The following PROX1 variants were observed in gnomAD, a reference collection of about 807,000 sequenced individuals.
PROX1 encodes prospero homeobox 1.
PROX1 carries 7 observed loss-of-function variants against 58.8 expected under a neutral mutation model. The observed-to-expected ratio is 0.12, with a 90% CI of 0.07 to 0.22. PROX1 has a LOEUF of 0.22. Ranked by LOEUF, PROX1 falls within the 10% of genes least tolerant of loss-of-function variation. The pLI is 1.00. For missense variants in PROX1, 675 were observed against 927.8 expected (o/e 0.73, Z 3.54); for synonymous variants, 350 against 358.3 (o/e 0.98, Z 0.26).
intron 4 of PROX1, among the ~76,000 whole-genome samples, chr1:214,022,556 A>T (rs1166632740): frequency 6.6e-6 from 1 of 152,218 alleles, no homozygotes. Context: ...AATGTGGCTG[A>T]AAAGGCGACA....
At chr1:214,004,881 C>G (rs1000139489) in intron 2 of PROX1, among the ~76,000 whole-genome samples, 1 of 152,198 alleles carries the variant, frequency 6.6e-6, no homozygotes, top group Non-Finnish European at 1.5e-5. Context: ...GCCTACCGAC[C>G]TAAAGCAAGG....
In PROX1 at chr1:213,988,106, C is replaced by T. The variant is rs1662874521; in HGVS notation, c.-445C>T. On this transcript the variant is annotated 5_prime_UTR_variant, in exon 1 of 5. Coordinates refer to ENST00000366958, the MANE Select transcript of PROX1 (RefSeq NM_001270616.2). Reference sequence around the variant, plus strand: ...CTCTTCTTTACCCTTCTCCTCTCTCCTCCTCTGCTGCTCTCTCCTCTCCTC... The same window carrying T: ...CTCTTCTTTACCCTTCTCCTCTCTCTTCCTCTGCTGCTCTCTCCTCTCCTC... 1 of 95,724 alleles carries T rather than the reference C, an allele frequency of 1.0e-5. No homozygotes were observed. Among genetic ancestry groups the T allele is most frequent in the African/African-American group, 4.4e-5 (1 of 22,832 alleles). The allele number at this position is 95,724 out of a possible 1,614,324, so 5.9% of individuals were successfully genotyped here. A position where few individuals can be genotyped will look rare whatever the true frequency, so the allele number is the denominator to read the frequency against.
rs1322292872 is a variant in PROX1, at chr1:214,040,033, T to C, written c.*4199T>C. On this transcript the variant is annotated 3_prime_UTR_variant, in exon 5 of 5. Transcript: ENST00000366958. ...TGGTGTGAATAGTACAAATGTTTCC[T>C]TCTGGTACAAACTCTGTGTTTGCAA... is the stretch of plus-strand genomic sequence containing the variant. 1 of 152,230 alleles carries C rather than the reference T, an allele frequency of 6.6e-6. No individual in the cohort carries two copies. Among genetic ancestry groups the C allele is most frequent in the Non-Finnish European group, 1.5e-5 (1 of 68,034 alleles). The allele number at this position is 152,230 out of a possible 1,614,324, so 9.4% of individuals were successfully genotyped here. A position where few individuals can be genotyped will look rare whatever the true frequency, so the allele number is the denominator to read the frequency against.
chr1:214,007,965 G>A (rs1489661752), intron 3 of PROX1, among the ~76,000 whole-genome samples: 3 of 152,146 alleles, frequency 2.0e-5, no homozygotes, highest in Non-Finnish European at 2.9e-5. Context: ...AATGACATGA[G>A]GCTCTACTTG....
upstream of PROX1, chr1:213,983,887 G>C (rs1447320159): frequency 6.6e-6 from 1 of 152,252 alleles, no homozygotes; most frequent in African/African-American, 2.4e-5. Flanking sequence ...GTTGGAGAAA[G>C]GCAAGTTATG....
rs34477510 is a variant in PROX1, at chr1:214,039,800, T to TACACACACACACACACAC, written c.*3980_*3997dup. On this transcript the variant is annotated 3_prime_UTR_variant, in exon 5 of 5. Transcript: ENST00000366958. Reference sequence around the variant, plus strand: ...CCCTTCCCATGCGCACATGTGCGCATACACACACACACACACACACACACA... The same window carrying TACACACACACACACACAC: ...CCCTTCCCATGCGCACATGTGCGCATACACACACACACACACACACACACACACACACACACACACACA... 7.4e-6 allele frequency: 1 copy of TACACACACACACACACAC among 134,936 alleles called. No individual in the cohort carries two copies. Among genetic ancestry groups the TACACACACACACACACAC allele is most frequent in the African/African-American group, 2.8e-5 (1 of 35,470 alleles). The allele number at this position is 134,936 out of a possible 1,614,324, so 8.4% of individuals were successfully genotyped here. A position where few individuals can be genotyped will look rare whatever the true frequency, so the allele number is the denominator to read the frequency against.
In PROX1 at chr1:214,011,643, G is replaced by T. The variant is rs776878911; in HGVS notation, c.1956G>T (p.Glu652Asp). Reference protein sequence around the residue: ...AINDGVTSTEELSITRDCELY... With the variant: ...AINDGVTSTEDLSITRDCELY... The stretch of plus-strand genomic sequence containing the variant: ...ACGATGGGGTCACCAGTACTGAAGA[G>T]CTGTCTATAACCAGAGACTGTGAGC... Residue 652 changes from glutamate (E) to aspartate (D), a missense_variant, in exon 4 of 5, where the codon GAG (glutamate) becomes GAT (aspartate). Coordinates refer to ENST00000366958, the MANE Select transcript of PROX1 (RefSeq NM_001270616.2). The T allele has an allele frequency of 6.2e-7, 1 of 1,614,090 alleles. No homozygotes were observed. Among genetic ancestry groups the T allele is most frequent in the Non-Finnish European group, 8.5e-7 (1 of 1,179,972 alleles).
At chr1:214,003,650 A>AT (rs1347848369) in intron 2 of PROX1, among the ~76,000 whole-genome samples, 1 of 146,138 alleles carries the variant, frequency 6.8e-6, no homozygotes, top group Non-Finnish European at 1.5e-5. Context: ...AAATAAAAAA[A>AT]TAAAAAACCT....
At chr1:214,009,277 G>T (rs560969122) in intron 3 of PROX1, among the ~76,000 whole-genome samples, 19 of 152,162 alleles carry the variant, frequency 1.2e-4, no homozygotes, top group Admixed American at 1.2e-3. Flanking sequence ...ACAGAGACTC[G>T]TACACTGTGG....
chr1:214,039,032 C>T lies in PROX1; in HGVS notation c.*3198C>T, dbSNP rs1664919724. 6.6e-6 allele frequency: 1 copy of T among 152,042 alleles called. No homozygotes were observed. The highest frequency in any genetic ancestry group is 1.5e-5 in the Non-Finnish European group (1 of 68,010). The allele number at this position is 152,042 out of a possible 1,614,324, so 9.4% of individuals were successfully genotyped here. On this transcript the variant is annotated 3_prime_UTR_variant, in exon 5 of 5. Transcript: ENST00000366958. ...GTAGTATAGAAGCAATATTTCATAC[C>T]ATGTGCTATATATGTGTGCGCAGAT...
intron 4 of PROX1, chr1:214,030,489 T>G (rs2102775091): frequency 6.6e-6 from 1 of 152,308 alleles, no homozygotes; most frequent in Non-Finnish European, 1.5e-5. Context: ...TTCTGTCCAT[T>G]TCAGTGAAGA....
chr1:214,001,428 T>G (rs150608348), intron 2 of PROX1, among the ~76,000 whole-genome samples: 3 of 152,366 alleles, frequency 2.0e-5, no homozygotes, highest in Middle Eastern at 3.4e-3. Flanking sequence ...TTCTTCATGA[T>G]GTTCCTTGTC....
chr1:213,984,629 G>A (rs919655), upstream of PROX1: 15,598 of 152,618 alleles, frequency 0.1, 968 homozygotes, highest in Non-Finnish European at 0.13. Flanking sequence ...GTGAGAGGCC[G>A]TCAGTCAGTT....
At chr1:213,998,728 T>C (rs746464225) in intron 2 of PROX1, among the ~76,000 whole-genome samples, 5 of 152,204 alleles carry the variant, frequency 3.3e-5, no homozygotes, top group Non-Finnish European at 5.9e-5. Context: ...AGAAGAATTC[T>C]CAGTGTAAAC....
At chr1:214,020,086 C>G (rs769826436) in intron 4 of PROX1, among the ~76,000 whole-genome samples, 1 of 152,134 alleles carries the variant, frequency 6.6e-6, no homozygotes, top group Non-Finnish European at 1.5e-5. Context: ...TGAAGACTAA[C>G]GTTTTCAAAC....
chr1:214,036,152 T>C lies in PROX1; in HGVS notation c.*318T>C, dbSNP rs1270405501. 2.7e-5 allele frequency: 5 copies of C among 182,640 alleles called. No individual in the cohort carries two copies. The highest frequency in any genetic ancestry group is 5.7e-5 in the Non-Finnish European group (5 of 88,182). 11.3% of individuals were successfully genotyped at this position (182,640 alleles called of 1,614,324 possible). On this transcript the variant is annotated 3_prime_UTR_variant, in exon 5 of 5. Transcript: ENST00000366958. ...GTCTCTATTAGCAATGAAGGGAATT[T>C]GTTAACGATGCATCCACTTGATTGA...
chr1:213,994,165 C>T (rs4655314), intron 1 of PROX1, among the ~76,000 whole-genome samples: 27,028 of 152,122 alleles, frequency 0.18, 2,487 homozygotes, highest in Admixed American at 0.25. Flanking sequence ...CCAGTCTGTC[C>T]TTTCCAAGCC....
chr1:214,002,640 C>A (rs886918159), intron 2 of PROX1, among the ~76,000 whole-genome samples: 7 of 151,968 alleles, frequency 4.6e-5, no homozygotes, highest in African/African-American at 1.7e-4. Flanking sequence ...TCTTTCCTGG[C>A]CTTGAATGGA....
At position 214,039,136 on chromosome 1, in the gene PROX1, G is replaced by C. The variant is rs1315365559; in HGVS notation, c.*3302G>C. On this transcript the variant is annotated 3_prime_UTR_variant, in exon 5 of 5. Coordinates refer to ENST00000366958, the MANE Select transcript of PROX1 (RefSeq NM_001270616.2). ...TATATATATGCGTGTGAAGTGGAAA[G>C]CTTACCTTTTCCTATCTAGATTTAA... The C allele has an allele frequency of 1.3e-5, 2 of 152,114 alleles. No homozygotes were observed. The highest frequency in any genetic ancestry group is 2.4e-5 in the African/African-American group (1 of 41,428). 9.4% of individuals were successfully genotyped at this position (152,114 alleles called of 1,614,324 possible).
Sources: allele counts gnomAD v4.1 joint callset (sites outside exome capture counted in the v4.1 genomes callset), GRCh38; gene constraint gnomAD v4.1.1; transcripts MANE v1.5; gene names NCBI Gene and HGNC (gene_info 2026-07-23, HGNC 2026-07-21).